The following LYRM4 variants were observed in gnomAD, a reference collection of about 807,000 sequenced individuals.
LYRM4 encodes LYR motif-containing protein 4.
Under a neutral mutation model 11.7 loss-of-function variants are expected in LYRM4, and 9 were observed. The observed-to-expected ratio is 0.77, with a 90% CI of 0.46 to 1.34. LYRM4 has a LOEUF of 1.34. Among genes scored for constraint, LYRM4 ranks in the 40% most tolerant of loss-of-function variants. LYRM4 has a pLI of 0.00. For missense variants in LYRM4, 133 were observed against 112.5 expected, an observed-to-expected ratio of 1.18 and a Z score of -0.82; for synonymous variants, 42 against 40.4, an observed-to-expected ratio of 1.04 and a Z score of -0.15.
In LYRM4 at chr6:5,118,094, A is replaced by ATATTT; in HGVS notation, c.208-8604_208-8603insAAATA. On this transcript the variant is annotated intron_variant, in intron 2 of 2. Transcript: ENST00000330636. ...TCACCAAAACAATATATATATATATATTTTTGTTTTGTTTTGTTTTGTTTT... is the reference window on the plus strand; with the variant it reads ...TCACCAAAACAATATATATATATATATATTTTTTTTGTTTTGTTTTGTTTTGTTTT... Among the ~76,000 whole-genome samples the ATATTT allele has an allele frequency of 2.4e-3, 208 of 86,132 alleles. 1 individual carries two copies. Among genetic ancestry groups the ATATTT allele is most frequent in the African/African-American group, 7.8e-3 (199 of 25,614 alleles). 56.5% of individuals were successfully genotyped at this position (86,132 alleles called of 152,430 possible).
rs527940726 is a variant in LYRM4, at chr6:5,174,191, TAA to T, written c.207+42425_207+42426del. On this transcript the variant is annotated intron_variant, in intron 2 of 2. Coordinates refer to ENST00000330636, the MANE Select transcript of LYRM4 (RefSeq NM_020408.6). ...TTTTTAAGTTAGGGCAAAGAAAAAATAAAGAGTCTTTCACAATCAGCTGTTGG... is the reference window on the plus strand; with the variant it reads ...TTTTTAAGTTAGGGCAAAGAAAAAATAGAGTCTTTCACAATCAGCTGTTGG... Among the ~76,000 whole-genome samples the T allele has an allele frequency of 5.6e-4, 85 of 152,098 alleles. 1 individual carries two copies. The highest frequency in any genetic ancestry group is 2.0e-3 in the African/African-American group (83 of 41,470).
At chr6:5,127,393 T>A (rs1763744479) in intron 2 of LYRM4, among the ~76,000 whole-genome samples, 1 of 152,188 alleles carries the variant, frequency 6.6e-6, no homozygotes, top group Non-Finnish European at 1.5e-5. Context: ...CTGAATAATA[T>A]ACCTTAAATG....
intron 1 of LYRM4, chr6:5,218,465 T>A: frequency 1.3e-6 from 1 of 797,932 alleles, no homozygotes; most frequent in South Asian, 5.7e-5. Flanking sequence ...GCATTTTACA[T>A]TAAAAAATTC....
At chr6:5,154,539 G>A (rs571032941) in intron 2 of LYRM4, among the ~76,000 whole-genome samples, 6 of 151,776 alleles carry the variant, frequency 4.0e-5, no homozygotes, top group Non-Finnish European at 5.9e-5. Flanking sequence ...GGATTCGGCC[G>A]GGCGCGGTGG....
chr6:5,087,128 A>C, the LYRM4 span: 2 of 152,798 alleles, frequency 1.3e-5, no homozygotes, highest in African/African-American at 4.8e-5. Context: ...CTTTTGACTG[A>C]GATGTGGGTA....
intron 2 of LYRM4, among the ~76,000 whole-genome samples, chr6:5,211,858 C>T (rs1762005125): frequency 6.6e-6 from 1 of 152,166 alleles, no homozygotes; most frequent in Non-Finnish European, 1.5e-5. Flanking sequence ...GATCTTAATT[C>T]ATTTGTTCAG....
At chr6:5,091,266 C>T in the LYRM4 span, among the ~76,000 whole-genome samples, 1 of 152,200 alleles carries the variant, frequency 6.6e-6, no homozygotes, top group African/African-American at 2.4e-5. Flanking sequence ...GCCTCCCCTC[C>T]TACAGAGTGG....
chr6:5,099,692 C>T (rs1158477333), downstream of LYRM4, among the ~76,000 whole-genome samples: 3 of 152,298 alleles, frequency 2.0e-5, no homozygotes. The surrounding 1 kb of genome is among the most constrained non-coding windows in gnomAD (Gnocchi z 4.3). Flanking sequence ...ATCCTCCCAC[C>T]TTGGCTTCCT....
At chr6:5,097,810 A>G in the LYRM4 span, among the ~76,000 whole-genome samples, 2 of 152,364 alleles carry the variant, frequency 1.3e-5, no homozygotes, top group East Asian at 3.9e-4. Flanking sequence ...GCAGATGTGT[A>G]TTAAGCATGC....
chr6:5,245,675 C>G (rs1176632315), intron 1 of LYRM4, among the ~76,000 whole-genome samples: 1 of 152,168 alleles, frequency 6.6e-6, no homozygotes, highest in East Asian at 1.9e-4. Context: ...CTTCCTGGAG[C>G]CTGAGGCCAG....
intron 2 of LYRM4, among the ~76,000 whole-genome samples, chr6:5,122,401 C>G (rs921207845): frequency 6.6e-6 from 1 of 152,166 alleles, no homozygotes; most frequent in Non-Finnish European, 1.5e-5. Context: ...GGTCCTGCAC[C>G]AGAAATGCAA....
chr6:5,199,454 G>T (rs974094488), intron 2 of LYRM4, among the ~76,000 whole-genome samples: 2 of 152,262 alleles, frequency 1.3e-5, no homozygotes, highest in South Asian at 4.1e-4. Context: ...CATGGTGATG[G>T]TTGTGCAACT....
intron 2 of LYRM4, among the ~76,000 whole-genome samples, chr6:5,118,131 CAG>C (rs201980492): frequency 0.049 from 3,446 of 69,752 alleles, 153 homozygotes; most frequent in African/African-American, 0.13. Context: ...TTTTTTGAGA[CAG>C]AGTCTCACTC....
chr6:5,056,148 A>T, the LYRM4 span, among the ~76,000 whole-genome samples: 20 of 152,264 alleles, frequency 1.3e-4, no homozygotes, highest in East Asian at 3.7e-3. Flanking sequence ...CTACAGACAC[A>T]TGCCACCGTG....
At chr6:5,121,310 C>T (rs777317668) in intron 2 of LYRM4, among the ~76,000 whole-genome samples, 2 of 152,200 alleles carry the variant, frequency 1.3e-5, no homozygotes, top group Non-Finnish European at 2.9e-5. Context: ...GAATATCTTC[C>T]TGTCTTCTAT....
At chr6:5,080,635 T>C in the LYRM4 span, among the ~76,000 whole-genome samples, 1 of 152,206 alleles carries the variant, frequency 6.6e-6, no homozygotes, top group Non-Finnish European at 1.5e-5. Context: ...AAACATTTGG[T>C]AATTTGGCAA....
chr6:5,086,377 G>C, the LYRM4 span: 4 of 1,536,022 alleles, frequency 2.6e-6, no homozygotes, highest in Non-Finnish European at 8.7e-7. Flanking sequence ...GCCAGGCGCC[G>C]AGTGCTTCCA....
chr6:5,036,841 T>C, the LYRM4 span, among the ~76,000 whole-genome samples: 4 of 152,210 alleles, frequency 2.6e-5, no homozygotes, highest in South Asian at 8.3e-4. Flanking sequence ...CGGGATACGC[T>C]CAAGTTATAC....
At chr6:5,071,479 C>T in the LYRM4 span, among the ~76,000 whole-genome samples, 1 of 151,970 alleles carries the variant, frequency 6.6e-6, no homozygotes, top group Admixed American at 6.6e-5. Flanking sequence ...AGGTACTTGG[C>T]TTGGACATCA....
Sources: gnomAD v4.1 joint callset for allele counts (sites outside exome capture counted in the v4.1 genomes callset) on GRCh38, gnomAD v4.1.1 for gene constraint, Gnocchi (gnomAD v3.1) non-coding constraint, MANE v1.5 for transcripts, NCBI Gene and HGNC (gene_info 2026-07-23, HGNC 2026-07-21) for gene names.